MARCHF1: variants seen among roughly 807,000 people sequenced by gnomAD.
The protein encoded by MARCHF1 is membrane associated ring-CH-type finger 1, also known as E3 ubiquitin-protein ligase MARCHF1.
In MARCHF1, 40 loss-of-function variants were observed where a neutral mutation model predicts 54.2. That is an observed-to-expected ratio of 0.74 (90% CI 0.57 to 0.96). The LOEUF (loss-of-function observed/expected upper bound fraction) is 0.96, where lower values mean the gene tolerates loss of function less well. Among genes scored for constraint, MARCHF1 ranks in the 40% least tolerant of loss-of-function variants. The probability of loss-of-function intolerance (pLI) is 0.00; values close to 1 mark genes in which losing one functional copy is unlikely to be tolerated. For missense variants in MARCHF1, 586 were observed against 656.5 expected (o/e 0.89, Z 1.17); for synonymous variants, 236 against 236.3 (o/e 1.00, Z 0.01).
intron 7 of MARCHF1, among the ~76,000 whole-genome samples, chr4:163,610,581 G>A (rs1368907550): frequency 6.6e-6 from 1 of 152,014 alleles, no homozygotes; most frequent in African/African-American, 2.4e-5. Flanking sequence ...TAGATTTAGG[G>A]AATGACAACA....
At chr4:164,319,125 G>A (rs1392969014) in intron 1 of MARCHF1, among the ~76,000 whole-genome samples, 2 of 152,092 alleles carry the variant, frequency 1.3e-5, no homozygotes. Context: ...TATTAGAAAG[G>A]AAATGGATGG....
chr4:163,913,100 G>A (rs1017154229), intron 3 of MARCHF1, among the ~76,000 whole-genome samples: 6 of 152,114 alleles, frequency 3.9e-5, no homozygotes, highest in Non-Finnish European at 8.8e-5. Flanking sequence ...CAAAGTGTAA[G>A]GCCTTTTTAA....
intron 4 of MARCHF1, among the ~76,000 whole-genome samples, chr4:163,845,632 A>G (rs919803969): frequency 2.0e-5 from 3 of 152,146 alleles, no homozygotes; most frequent in Non-Finnish European, 2.9e-5. Flanking sequence ...AGAATTAAAC[A>G]TCTTTCGGAG....
Position 163,585,760 on chromosome 4 carries a change from G to A in MARCHF1, c.1180C>T (p.Pro394Ser). ...TATGGATACTGTACCTTCCGGAGGGGTTTGAGCTTGGTCTCCATTATGAAG... is the reference window on the plus strand; with the variant it reads ...TATGGATACTGTACCTTCCGGAGGGATTTGAGCTTGGTCTCCATTATGAAG... Reference protein sequence around the residue: ...YDFIMETKLKPLRKWEKLQMT... With the variant: ...YDFIMETKLKSLRKWEKLQMT... Residue 394 changes from proline to serine, a missense_variant, in exon 8 of 10, where the codon CCC becomes TCC. By Grantham distance (74) the Pro-to-Ser change is moderately conservative. Transcript: ENST00000514618. The A allele has an allele frequency of 6.2e-7, 1 of 1,604,296 alleles. No homozygotes were observed. Among genetic ancestry groups the A allele is most frequent in the Non-Finnish European group, 8.5e-7 (1 of 1,174,190 alleles).
At position 163,689,193 on chromosome 4, in the gene MARCHF1, G is replaced by A. The variant is rs541284310; in HGVS notation, c.162+11620C>T. Among the ~76,000 whole-genome samples the A allele has an allele frequency of 2.6e-5, 4 of 152,250 alleles. No individual in the cohort carries two copies. In the East Asian group the frequency reaches 5.8e-4, roughly 22 times the overall value. ...CTCTGGGGACCATTTATGGTCAATA[G>A]TTTTTAATCTTCAGTATTTCTTGTT... On this transcript the variant is annotated intron_variant, in intron 5 of 9. Coordinates refer to ENST00000514618, the MANE Select transcript of MARCHF1 (RefSeq NM_001394959.1).
chr4:163,902,473 C>T (rs770266088), intron 3 of MARCHF1, among the ~76,000 whole-genome samples: 13 of 152,032 alleles, frequency 8.6e-5, no homozygotes, highest in Non-Finnish European at 1.3e-4. Context: ...TTGATGTTGG[C>T]CCCTTTTTTA....
rs1170451238 is a variant in MARCHF1, at chr4:164,081,100, T to C, written c.-248+30488A>G. On this transcript the variant is annotated intron_variant, in intron 2 of 9. Coordinates refer to ENST00000514618, the MANE Select transcript of MARCHF1 (RefSeq NM_001394959.1). ...GCGGGCTCCTGTAGTCCCAGCTACT[T>C]GAGAGGCTGAGGCAGGAGAATGGCG... Among the ~76,000 whole-genome samples, 8 of 141,004 alleles carry C rather than the reference T, an allele frequency of 5.7e-5. No homozygotes were observed. The Admixed American group carries it at 6.0e-4, about 11-fold the overall frequency. 92.5% of individuals were successfully genotyped at this position (141,004 alleles called of 152,430 possible). A position where few individuals can be genotyped will look rare whatever the true frequency, so the allele number is the denominator to read the frequency against.
intron 3 of MARCHF1, among the ~76,000 whole-genome samples, chr4:163,954,303 T>A (rs1362866441): frequency 6.6e-6 from 1 of 152,164 alleles, no homozygotes; most frequent in African/African-American, 2.4e-5. Flanking sequence ...AATCCAAATA[T>A]TTATATGTTA....
intron 5 of MARCHF1, among the ~76,000 whole-genome samples, chr4:163,682,405 G>A (rs1282257682): frequency 6.6e-6 from 1 of 152,214 alleles, no homozygotes; most frequent in African/African-American, 2.4e-5. Context: ...TGGGGAAAAT[G>A]TCTCTAGGGC....
At chr4:163,613,612 G>A in intron 5 of MARCHF1, 1 of 1,433,890 alleles carries the variant, frequency 7.0e-7, no homozygotes, top group South Asian at 1.6e-5. Flanking sequence ...CTATTTTGCT[G>A]TTACTTCATT....
At chr4:164,321,053 G>A (rs903457371) in intron 1 of MARCHF1, among the ~76,000 whole-genome samples, 10 of 152,226 alleles carry the variant, frequency 6.6e-5, no homozygotes, top group African/African-American at 2.2e-4. Flanking sequence ...GTGACACAAC[G>A]GCCACTAGGG....
At chr4:163,667,142 C>A (rs1743564272) in intron 5 of MARCHF1, among the ~76,000 whole-genome samples, 1 of 151,704 alleles carries the variant, frequency 6.6e-6, no homozygotes, top group Non-Finnish European at 1.5e-5. Flanking sequence ...TCATGAAGTT[C>A]TTTTTTTAAA....
At position 164,050,294 on chromosome 4, in the gene MARCHF1, AAAAAAAAAAAAG is replaced by A. The variant is rs1213127101; in HGVS notation, c.-248+61282_-248+61293del. ...TGTCTCCAAAAAAAAAAAAAAAAAA[AAAAAAAAAAAAG>A]GCCCTAGCTTTTATCCTTCAGTTCA... On this transcript the variant is annotated intron_variant, in intron 2 of 9. Coordinates refer to ENST00000514618, the MANE Select transcript of MARCHF1 (RefSeq NM_001394959.1). Among the ~76,000 whole-genome samples, 377 of 149,172 alleles carry A rather than the reference AAAAAAAAAAAAG, an allele frequency of 2.5e-3. 5 individuals carry two copies. Among genetic ancestry groups the A allele is most frequent in the African/African-American group, 8.5e-3 (341 of 40,064 alleles).
chr4:164,075,581 T>G lies in MARCHF1; in HGVS notation c.-248+36007A>C, dbSNP rs188476528. Among the ~76,000 whole-genome samples the G allele has an allele frequency of 1.1e-3, 175 of 152,340 alleles. 1 individual carries two copies. The highest frequency in any genetic ancestry group is 3.4e-3 in the Middle Eastern group (1 of 294). On this transcript the variant is annotated intron_variant, in intron 2 of 9. Coordinates refer to ENST00000514618, the MANE Select transcript of MARCHF1 (RefSeq NM_001394959.1). ...ATATATGCTTAATGTTGTACGTCATTAAAGTACTGTGGTCGTTTGTTACAT... is the reference window on the plus strand; with the variant it reads ...ATATATGCTTAATGTTGTACGTCATGAAAGTACTGTGGTCGTTTGTTACAT...
At chr4:164,348,456 A>T (rs552297942) in intron 1 of MARCHF1, among the ~76,000 whole-genome samples, 14 of 152,128 alleles carry the variant, frequency 9.2e-5, no homozygotes, top group African/African-American at 3.4e-4. Flanking sequence ...TGTTCCCTTG[A>T]CCTGGAAGTG....
Position 164,168,791 on chromosome 4 carries a change from G to A in MARCHF1, c.-322-57129C>T, listed in dbSNP as rs183000533. ...ATCTGTGTATAACTTTTTACTTCCT[G>A]AAAACTTTACTACTGATAGCCTACT... On this transcript the variant is annotated intron_variant, in intron 1 of 9. Transcript: ENST00000514618. 2.0e-5 allele frequency among the ~76,000 whole-genome samples: 3 copies of A among 152,096 alleles called. No homozygotes were observed. The East Asian group carries it at 5.8e-4, about 29-fold the overall frequency.
Position 163,705,400 on chromosome 4 carries a change from C to T in MARCHF1, c.112-4537G>A, listed in dbSNP as rs141359130. ...TTGCTCTCATTTGGAACTACAGATG[C>T]AGAAAATGTTAAAAATTAGTGTATA... On this transcript the variant is annotated intron_variant, in intron 4 of 9. Transcript: ENST00000514618. Among the ~76,000 whole-genome samples, 412 of 151,686 alleles carry T rather than the reference C, an allele frequency of 2.7e-3. 1 individual carries two copies. Among genetic ancestry groups the T allele is most frequent in the Middle Eastern group, 0.014 (4 of 294 alleles).
chr4:164,300,322 T>C (rs1419887457), intron 1 of MARCHF1, among the ~76,000 whole-genome samples: 2 of 151,698 alleles, frequency 1.3e-5, no homozygotes, highest in Non-Finnish European at 2.9e-5. Context: ...CTTATGGGAG[T>C]TTATTTCTGG....
At chr4:164,008,883 G>A (rs1287956502) in intron 2 of MARCHF1, among the ~76,000 whole-genome samples, 1 of 151,592 alleles carries the variant, frequency 6.6e-6, no homozygotes, top group South Asian at 2.1e-4. Flanking sequence ...AAAGTTGAAA[G>A]ACTTCAAATA....
Sources: gnomAD v4.1 joint callset for allele counts (sites outside exome capture counted in the v4.1 genomes callset) on GRCh38, gnomAD v4.1.1 for gene constraint, MANE v1.5 for transcripts, NCBI Gene and HGNC (gene_info 2026-07-23, HGNC 2026-07-21) for gene names.